FRMD4A: variants seen among roughly 807,000 people sequenced by gnomAD.
FRMD4A encodes FERM domain containing 4A.
FRMD4A carries 29 observed loss-of-function variants against 129.1 expected under a neutral mutation model. That is an observed-to-expected ratio of 0.22 (90% CI 0.17 to 0.31). The LOEUF (loss-of-function observed/expected upper bound fraction) is 0.31, where lower values mean the gene tolerates loss of function less well. Among genes scored for constraint, FRMD4A ranks in the 10% least tolerant of loss-of-function variants. The pLI is 1.00. For missense variants in FRMD4A, 1,272 were observed against 1,375.8 expected (o/e 0.92, Z 1.19); for synonymous variants, 634 against 571.6 (o/e 1.11, Z -1.56).
chr10:13,845,947 G>C (rs958014956), intron 3 of FRMD4A, among the ~76,000 whole-genome samples: 46 of 152,198 alleles, frequency 3.0e-4, no homozygotes, highest in African/African-American at 1.0e-3. Context: ...CTGCATTCAG[G>C]TGGCCTGGTT....
chr10:14,052,180 CT>C (rs1423544705), intron 2 of FRMD4A, among the ~76,000 whole-genome samples: 1 of 152,164 alleles, frequency 6.6e-6, no homozygotes, highest in Non-Finnish European at 1.5e-5. Context: ...CACACTCTCC[CT>C]TGAGGTCTCC....
intron 2 of FRMD4A, among the ~76,000 whole-genome samples, chr10:14,115,744 T>A (rs1838166879): frequency 6.6e-6 from 1 of 152,178 alleles, no homozygotes; most frequent in Non-Finnish European, 1.5e-5. Context: ...CCCCTCTCCA[T>A]CTTCCACCAT....
chr10:14,151,870 A>C (rs895834916), intron 2 of FRMD4A, among the ~76,000 whole-genome samples: 8 of 152,076 alleles, frequency 5.3e-5, no homozygotes, highest in Non-Finnish European at 1.0e-4. Flanking sequence ...ACTTAAGATG[A>C]GTTCCCACTT....
chr10:13,826,798 G>A (rs1446899073), intron 3 of FRMD4A, among the ~76,000 whole-genome samples: 2 of 152,274 alleles, frequency 1.3e-5, no homozygotes, highest in East Asian at 3.9e-4. Flanking sequence ...AAAGAGGGAA[G>A]ATCAACTCTG....
chr10:13,919,579 T>C (rs902934415), intron 2 of FRMD4A, among the ~76,000 whole-genome samples: 2 of 152,162 alleles, frequency 1.3e-5, no homozygotes, highest in Non-Finnish European at 2.9e-5. Flanking sequence ...AAATTAATTT[T>C]ATATAAATTA....
rs532752216 is a variant in FRMD4A at position 13,987,453 on chromosome 10, A to G, written c.46-128541T>C. Among the ~76,000 whole-genome samples the G allele has an allele frequency of 2.0e-5, 3 of 152,320 alleles. No individual in the cohort carries two copies. In the East Asian group the frequency reaches 5.8e-4, roughly 29 times the overall value. On this transcript the variant is annotated intron_variant, in intron 2 of 24. Coordinates refer to ENST00000357447, the MANE Select transcript of FRMD4A (RefSeq NM_018027.5). ...TACAGACTTGAAAAGCCTGAATATT[A>G]GTAACATGCATTTATTTCTACATTA...
chr10:13,696,128 C>A (rs984476486), intron 14 of FRMD4A, among the ~76,000 whole-genome samples: 3 of 152,210 alleles, frequency 2.0e-5, no homozygotes, highest in Non-Finnish European at 4.4e-5. Flanking sequence ...AAGTCGACTT[C>A]CTCAGGCGAA....
chr10:13,819,978 C>G (rs1475199822), intron 3 of FRMD4A, among the ~76,000 whole-genome samples: 4 of 152,178 alleles, frequency 2.6e-5, no homozygotes, highest in South Asian at 2.1e-4. Flanking sequence ...CCTGCCTTGG[C>G]CTCCCAAGGT....
intron 3 of FRMD4A, among the ~76,000 whole-genome samples, chr10:13,850,548 A>G (rs1278854117): frequency 6.6e-6 from 1 of 152,180 alleles, no homozygotes; most frequent in East Asian, 1.9e-4. Context: ...CAGATAGGTT[A>G]GGAAGTGAGT....
intron 2 of FRMD4A, among the ~76,000 whole-genome samples, chr10:14,050,476 C>T (rs1380356565): frequency 2.0e-5 from 3 of 152,170 alleles, no homozygotes; most frequent in African/African-American, 7.2e-5. Context: ...TATTTGGTCT[C>T]TGTACCCAGT....
intron 2 of FRMD4A, among the ~76,000 whole-genome samples, chr10:14,231,295 G>A (rs1843629745): frequency 6.6e-6 from 1 of 151,150 alleles, no homozygotes; most frequent in Non-Finnish European, 1.5e-5. Flanking sequence ...GTTGTTTTTT[G>A]ACTTTTTCAT....
intron 2 of FRMD4A, among the ~76,000 whole-genome samples, chr10:13,990,683 A>G (rs2095600146): frequency 6.6e-6 from 1 of 152,186 alleles, no homozygotes; most frequent in South Asian, 2.1e-4. Flanking sequence ...GAGCCCCAGC[A>G]GGCTGGCGAG....
intron 2 of FRMD4A, among the ~76,000 whole-genome samples, chr10:14,286,266 A>G (rs1468637271): frequency 6.6e-6 from 1 of 152,202 alleles, no homozygotes; most frequent in African/African-American, 2.4e-5. Flanking sequence ...AGAGAAAGAA[A>G]GGATATGGTA....
chr10:14,125,442 C>T (rs920449373), intron 2 of FRMD4A, among the ~76,000 whole-genome samples: 2 of 152,138 alleles, frequency 1.3e-5, no homozygotes, highest in Admixed American at 6.5e-5. Flanking sequence ...CACAGTCACC[C>T]TGCCAAGCAG....
chr10:13,998,014 G>T (rs570627135), intron 2 of FRMD4A, among the ~76,000 whole-genome samples: 1 of 152,262 alleles, frequency 6.6e-6, no homozygotes, highest in East Asian at 1.9e-4. Flanking sequence ...AGCAGCATTT[G>T]AAAATCCATC....
chr10:14,131,064 A>G (rs1007121414), intron 2 of FRMD4A, among the ~76,000 whole-genome samples: 1 of 152,218 alleles, frequency 6.6e-6, no homozygotes, highest in South Asian at 2.1e-4. Context: ...TGGAATTCCC[A>G]GGTAACACCT....
At chr10:13,675,233 C>A (rs1321712650) in intron 15 of FRMD4A, among the ~76,000 whole-genome samples, 189 bp from the exon 16 acceptor site, 1 of 152,138 alleles carries the variant, frequency 6.6e-6, no homozygotes, top group Non-Finnish European at 1.5e-5. Flanking sequence ...GAATTTATAG[C>A]CAGTCACAAG....
chr10:14,212,118 G>A (rs1185852659), intron 2 of FRMD4A, among the ~76,000 whole-genome samples: 4 of 152,086 alleles, frequency 2.6e-5, no homozygotes, highest in Non-Finnish European at 2.9e-5. Flanking sequence ...TCTTCTCCCA[G>A]GGAGAGGAGG....
intron 15 of FRMD4A, among the ~76,000 whole-genome samples, chr10:13,676,249 T>A (rs913520848): frequency 6.6e-6 from 1 of 151,930 alleles, no homozygotes. Context: ...AAAAGCTGAT[T>A]ATAACTTTTC....
Sources: allele counts gnomAD v4.1 joint callset (sites outside exome capture counted in the v4.1 genomes callset), GRCh38; gene constraint gnomAD v4.1.1; transcripts MANE v1.5; gene names NCBI Gene and HGNC (gene_info 2026-07-23, HGNC 2026-07-21).